TENM3: variants seen among roughly 807,000 people sequenced by gnomAD.
TENM3 encodes the protein teneurin transmembrane protein 3, also known as teneurin-3.
In TENM3, 63 loss-of-function variants were observed where a neutral mutation model predicts 255.1. The observed-to-expected ratio is 0.25, with a 90% CI of 0.20 to 0.30. The LOEUF (loss-of-function observed/expected upper bound fraction) is 0.30. TENM3 is among the 10% of genes least tolerant of loss of function. TENM3 has a pLI of 1.00. For missense variants in TENM3, 2,929 were observed against 3,461.1 expected, an observed-to-expected ratio of 0.85 and a Z score of 3.86; for synonymous variants, 1,306 against 1,322.3, an observed-to-expected ratio of 0.99 and a Z score of 0.27.
chr4:181,728,559 G>C, the TENM3 span, among the ~76,000 whole-genome samples: 9 of 152,260 alleles, frequency 5.9e-5, no homozygotes, highest in Non-Finnish European at 1.3e-4. Flanking sequence ...AACTGTCGTG[G>C]TGCTGGTGGG....
chr4:182,621,745 AT>A (rs1457825241), intron 4 of TENM3, among the ~76,000 whole-genome samples: 1 of 35,610 alleles, frequency 2.8e-5, no homozygotes, highest in Admixed American at 3.0e-4. Context: ...ATAATATATA[AT>A]ATATTATAAT....
chr4:182,798,674 C>G (rs1766673644), intron 27 of TENM3, among the ~76,000 whole-genome samples: 1 of 152,200 alleles, frequency 6.6e-6, no homozygotes, highest in Non-Finnish European at 1.5e-5. Flanking sequence ...CCTGAAAACA[C>G]CTACATCTAA....
At chr4:182,242,356 G>C (rs1184238654), upstream of TENM3, among the ~76,000 whole-genome samples, 1 of 151,928 alleles carries the variant, frequency 6.6e-6, no homozygotes, top group Non-Finnish European at 1.5e-5. Flanking sequence ...ATGGTTTCCA[G>C]CTTCATCCAC....
chr4:182,679,557 C>G, intron 7 of TENM3, 109 bp from the exon 8 acceptor site: 1 of 888,158 alleles, frequency 1.1e-6, no homozygotes, highest in Non-Finnish European at 1.7e-6. Context: ...GAACTTCTTT[C>G]TAACATTGTA....
chr4:182,404,852 T>A (rs1316267706), intron 3 of TENM3, among the ~76,000 whole-genome samples: 1 of 152,192 alleles, frequency 6.6e-6, no homozygotes, highest in Non-Finnish European at 1.5e-5. Context: ...CACACAGCTG[T>A]GAGCTGAGGA....
intron 1 of TENM3, among the ~76,000 whole-genome samples, chr4:182,273,466 G>T (rs774159391): frequency 7.9e-5 from 12 of 152,156 alleles, no homozygotes; most frequent in South Asian, 4.1e-4. Flanking sequence ...TGATTAGGGC[G>T]AGCTATTCTT....
At chr4:182,667,498 C>G (rs1389797280) in intron 6 of TENM3, among the ~76,000 whole-genome samples, 1 of 152,084 alleles carries the variant, frequency 6.6e-6, no homozygotes, top group East Asian at 1.9e-4. Context: ...CCAAATTTAC[C>G]TTTTGTCAGA....
chr4:181,772,833 T>C, the TENM3 span, among the ~76,000 whole-genome samples: 1 of 152,154 alleles, frequency 6.6e-6, no homozygotes, highest in Non-Finnish European at 1.5e-5. Context: ...CCTTATTATA[T>C]AGGTAATACA....
chr4:182,536,729 C>T (rs564238793), intron 3 of TENM3, among the ~76,000 whole-genome samples: 1 of 152,256 alleles, frequency 6.6e-6, no homozygotes, highest in Admixed American at 6.5e-5. Flanking sequence ...CAGCATGGAG[C>T]CTGTTTCTGC....
At chr4:181,902,520 C>T in the TENM3 span, among the ~76,000 whole-genome samples, 1 of 152,162 alleles carries the variant, frequency 6.6e-6, no homozygotes, top group South Asian at 2.1e-4. Flanking sequence ...TTGGAACCAA[C>T]CCAAATGCCC....
At chr4:182,729,511 T>C (rs1055230318) in intron 14 of TENM3, among the ~76,000 whole-genome samples, 3 of 145,078 alleles carry the variant, frequency 2.1e-5, no homozygotes, top group Admixed American at 1.4e-4. Context: ...AGAAGTGCAC[T>C]TTTTTTTTTT....
chr4:181,783,192 CGTT>C, the TENM3 span, among the ~76,000 whole-genome samples: 7 of 152,104 alleles, frequency 4.6e-5, no homozygotes, highest in Non-Finnish European at 1.5e-5. Flanking sequence ...GTTTCTGTCT[CGTT>C]GATCTGTCTA....
At chr4:182,683,420 C>T (rs560962722) in intron 11 of TENM3, among the ~76,000 whole-genome samples, 1 of 152,256 alleles carries the variant, frequency 6.6e-6, no homozygotes, top group South Asian at 2.1e-4. Context: ...CTCATTGCAG[C>T]ATTTCAGATT....
rs571593429 is a variant in TENM3 at position 182,532,224 on chromosome 4, T to C, written c.512-68700T>C. ...CATAGACTGTGAAATTTGACAAATA[T>C]GGCTTCTCTAGTCATGGCTCAGCTG... is the stretch of plus-strand genomic sequence containing the variant. On this transcript the variant is annotated intron_variant, in intron 3 of 27. Transcript: ENST00000511685. Among the ~76,000 whole-genome samples, 7 of 152,340 alleles carry C rather than the reference T, an allele frequency of 4.6e-5. No homozygotes were observed. In the East Asian group the frequency reaches 7.7e-4, roughly 17 times the overall value.
intron 4 of TENM3, among the ~76,000 whole-genome samples, chr4:182,606,037 G>T (rs898920093): frequency 1.3e-5 from 2 of 152,176 alleles, no homozygotes; most frequent in African/African-American, 4.8e-5. Flanking sequence ...TGCAGGTAAG[G>T]CTCCAGACTT....
intron 4 of TENM3, among the ~76,000 whole-genome samples, chr4:182,612,120 A>C (rs996858715): frequency 3.3e-5 from 5 of 151,944 alleles, no homozygotes; most frequent in Admixed American, 6.6e-5. Flanking sequence ...ATACAAAAAA[A>C]AATTAGCCGG....
At chr4:182,557,435 G>A (rs1742685803) in intron 3 of TENM3, among the ~76,000 whole-genome samples, 1 of 151,966 alleles carries the variant, frequency 6.6e-6, no homozygotes, top group African/African-American at 2.4e-5. Context: ...AATAAACCAG[G>A]GCTCAGCTCT....
chr4:182,357,750 T>C (rs1300964916), intron 3 of TENM3, among the ~76,000 whole-genome samples: 1 of 149,760 alleles, frequency 6.7e-6, no homozygotes, highest in Non-Finnish European at 1.5e-5. Flanking sequence ...TTTTGGCTTT[T>C]GTTGCCATTG....
At chr4:182,611,178 CA>C (rs1748967487) in intron 4 of TENM3, among the ~76,000 whole-genome samples, 1 of 151,844 alleles carries the variant, frequency 6.6e-6, no homozygotes. Context: ...TAATGATCTC[CA>C]AAAAATTTTT....
Sources: allele counts gnomAD v4.1 joint callset (sites outside exome capture counted in the v4.1 genomes callset), GRCh38; gene constraint gnomAD v4.1.1; transcripts MANE v1.5; gene names NCBI Gene and HGNC (gene_info 2026-07-23, HGNC 2026-07-21).